JADE3: variants seen among roughly 807,000 people sequenced by gnomAD.
JADE3 encodes the protein protein Jade-3.
JADE3 carries 2 observed loss-of-function variants against 50.1 expected under a neutral mutation model. The observed-to-expected ratio is 0.04, with a 90% CI of 0.02 to 0.13. JADE3 has a LOEUF of 0.13. Ranked by LOEUF, JADE3 falls within the 10% of genes least tolerant of loss-of-function variation. The pLI is 1.00. For missense variants in JADE3, 475 were observed against 634.4 expected (o/e 0.75, Z 2.70); for synonymous variants, 218 against 232.9 (o/e 0.94, Z 0.58).
intron 1 of JADE3, among the ~76,000 whole-genome samples, chrX:46,950,628 G>A (rs782817357): frequency 8.9e-6 from 1 of 112,054 alleles, no homozygotes; most frequent in South Asian, 3.7e-4. Flanking sequence ...GTAGACATAA[G>A]TTTTCATTTC....
chrX:47,030,925 C>T (rs1393859393), intron 6 of JADE3, among the ~76,000 whole-genome samples: 1 of 109,934 alleles, frequency 9.1e-6, no homozygotes, highest in African/African-American at 3.3e-5. Flanking sequence ...TGGCATGCAC[C>T]TGTAGTCCCA....
At chrX:46,950,055 G>A (rs1926970234) in intron 1 of JADE3, among the ~76,000 whole-genome samples, 1 of 111,716 alleles carries the variant, frequency 9.0e-6, no homozygotes, top group African/African-American at 3.3e-5. Flanking sequence ...GCTCTCAAAA[G>A]CATTATGCTG....
chrX:47,033,659 G>A lies in JADE3; in HGVS notation c.726G>A (p.Trp242Ter). The A allele has an allele frequency of 8.3e-7, 1 of 1,208,571 alleles. No individual in the cohort carries two copies. Among genetic ancestry groups the A allele is most frequent in the Non-Finnish European group, 1.1e-6 (1 of 893,993 alleles). Reference sequence around the variant, plus strand: ...TCCTCAAGGTCCCAGAAGGCAGCTGGCTGTGTCGCTCCTGTGTCCTGGGCA... The same window carrying A: ...TCCTCAAGGTCCCAGAAGGCAGCTGACTGTGTCGCTCCTGTGTCCTGGGCA... ...YGILKVPEGS[W>*]LCRSCVLGIY... Residue 242 changes from tryptophan (W) to a stop codon, truncating the protein, a stop_gained, in exon 7 of 11, where the codon TGG becomes TGA. Transcript: ENST00000614628. LOFTEE classifies it high-confidence loss of function.
chrX:46,940,577 A>G (rs1556342063), intron 1 of JADE3, among the ~76,000 whole-genome samples: 2 of 111,222 alleles, frequency 1.8e-5, no homozygotes, highest in Admixed American at 1.9e-4. Flanking sequence ...GTGTTTCTCT[A>G]TGGCTAGTGG....
chrX:46,998,165 C>T lies in JADE3; in HGVS notation c.172C>T (p.His58Tyr). The T allele has an allele frequency of 1.7e-6, 2 of 1,204,926 alleles. No homozygotes were observed. Among genetic ancestry groups the T allele is most frequent in the Non-Finnish European group, 2.2e-6 (2 of 889,794 alleles). The stretch of plus-strand genomic sequence containing the variant: ...CAGTGCCATGAAACTTCCAGATTCT[C>T]ACCACATTAATCCTGATAGCTATTA... The part of the protein sequence containing the change: ...LISAMKLPDS[H>Y]HINPDSYYLF... The change falls in exon 4 of 11, where the codon CAC becomes TAC. Residue 58 changes from histidine to tyrosine, a missense_variant. By Grantham distance (83) the His-to-Tyr change is moderately conservative (BLOSUM62 2). Coordinates refer to ENST00000614628, the MANE Select transcript of JADE3 (RefSeq NM_014735.5).
chrX:46,924,214 TG>T (rs1444324110), intron 1 of JADE3, among the ~76,000 whole-genome samples: 1 of 111,894 alleles, frequency 8.9e-6, no homozygotes, highest in Non-Finnish European at 1.9e-5. Context: ...TGATCTTCCC[TG>T]TGAGAGCCTG....
intron 4 of JADE3, among the ~76,000 whole-genome samples, chrX:47,018,661 A>T (rs782095681): frequency 1.8e-5 from 2 of 112,118 alleles, no homozygotes; most frequent in Non-Finnish European, 3.8e-5. Flanking sequence ...CATTTATCTT[A>T]TTTAAAATTT....
At chrX:46,951,060 TTTTTTA>T (rs1398924195) in intron 1 of JADE3, among the ~76,000 whole-genome samples, 1 of 109,338 alleles carries the variant, frequency 9.1e-6, no homozygotes, top group African/African-American at 3.3e-5. Context: ...TTTTAAACTT[TTTTTTA>T]TTTTTATTTT....
chrX:46,937,092 G>A lies in JADE3; in HGVS notation c.-12+24373G>A, dbSNP rs1338118560. 2.7e-5 allele frequency among the ~76,000 whole-genome samples: 3 copies of A among 111,274 alleles called. No homozygotes were observed. In the Admixed American group the frequency reaches 2.9e-4, roughly 11 times the overall value. On this transcript the variant is annotated intron_variant, in intron 1 of 10. Transcript: ENST00000614628. ...TTTAATCCTATAAATTTCTCTCTAA[G>A]CACTGTTTCCACTGTAGTCCACAAA...
intron 1 of JADE3, among the ~76,000 whole-genome samples, chrX:46,936,524 A>G (rs1556341089): frequency 9.0e-6 from 1 of 111,282 alleles, no homozygotes; most frequent in African/African-American, 3.3e-5. Flanking sequence ...CCTTGCCCAT[A>G]TTCTGGAAGA....
At chrX:46,970,534 T>G (rs1236762480) in intron 1 of JADE3, among the ~76,000 whole-genome samples, 1 of 112,175 alleles carries the variant, frequency 8.9e-6, no homozygotes, top group Non-Finnish European at 1.9e-5. Context: ...GTGCACCTGG[T>G]CCTGTGACCC....
intron 4 of JADE3, among the ~76,000 whole-genome samples, chrX:47,019,896 A>G (rs1254629658): frequency 8.9e-6 from 1 of 112,151 alleles, no homozygotes; most frequent in Admixed American, 9.4e-5. Flanking sequence ...ACCAAAGGCT[A>G]GTCATCTGGA....
At chrX:46,992,842 A>G (rs188561984) in intron 3 of JADE3, among the ~76,000 whole-genome samples, 1 of 111,961 alleles carries the variant, frequency 8.9e-6, no homozygotes, top group Non-Finnish European at 1.9e-5. Context: ...CCTCTAATTT[A>G]TCCTGTAGAG....
intron 1 of JADE3, among the ~76,000 whole-genome samples, chrX:46,960,690 G>A (rs909677981): frequency 8.9e-6 from 1 of 112,132 alleles, no homozygotes; most frequent in African/African-American, 3.2e-5. Context: ...TCCTTACAGT[G>A]TAATAAATCA....
intron 4 of JADE3, among the ~76,000 whole-genome samples, chrX:47,017,645 A>T (rs985259642): frequency 8.9e-6 from 1 of 112,140 alleles, no homozygotes; most frequent in Non-Finnish European, 1.9e-5. Context: ...ATATATGTAT[A>T]TATAAATGGG....
intron 1 of JADE3, among the ~76,000 whole-genome samples, chrX:46,970,828 G>A (rs1033270913): frequency 2.1e-4 from 23 of 111,710 alleles, no homozygotes; most frequent in African/African-American, 7.5e-4. Context: ...TCACATGAAC[G>A]TTATTGTAAA....
At chrX:46,965,445 G>A (rs1927347101) in intron 1 of JADE3, among the ~76,000 whole-genome samples, 1 of 111,414 alleles carries the variant, frequency 9.0e-6, no homozygotes, top group Non-Finnish European at 1.9e-5. Context: ...ATACCTGGTA[G>A]GAACTCATTC....
At chrX:47,003,687 TTATA>T (rs1327607944) in intron 4 of JADE3, among the ~76,000 whole-genome samples, 1 of 100,270 alleles carries the variant, frequency 1.0e-5, no homozygotes, top group Non-Finnish European at 2.0e-5. Context: ...AATGTATATG[TTATA>T]TATAATTAAT....
intron 1 of JADE3, among the ~76,000 whole-genome samples, chrX:46,979,873 A>ATTTTTTT (rs56397998): frequency 3.2e-5 from 2 of 63,148 alleles, no homozygotes; most frequent in African/African-American, 6.7e-5. Context: ...ATGTCTGCTG[A>ATTTTTTT]TTTTTTTTTT....
Sources: allele counts gnomAD v4.1 joint callset (sites outside exome capture counted in the v4.1 genomes callset), GRCh38; gene constraint gnomAD v4.1.1; transcripts MANE v1.5; gene names NCBI Gene and HGNC (gene_info 2026-07-23, HGNC 2026-07-21).